TFCP2: variants seen among roughly 807,000 people sequenced by gnomAD.
TFCP2 encodes alpha-globin transcription factor CP2.
A neutral mutation model predicts 73.4 loss-of-function variants in TFCP2; 33 were observed. The observed-to-expected ratio is 0.45, with a 90% CI of 0.34 to 0.60. The LOEUF (loss-of-function observed/expected upper bound fraction) is 0.60, where lower values mean the gene tolerates loss of function less well. Ranked by LOEUF, TFCP2 falls within the 20% of genes least tolerant of loss-of-function variation. The pLI, the probability that TFCP2 is intolerant of heterozygous loss-of-function variation, is 0.01. For missense variants in TFCP2, 352 were observed against 604.0 expected (o/e 0.58, Z 4.37); for synonymous variants, 193 against 211.6 (o/e 0.91, Z 0.76).
intron 7 of TFCP2, 135 bp from the exon 8 acceptor site, chr12:51,106,748 C>T (rs1940255904): frequency 4.4e-6 from 3 of 675,774 alleles, no homozygotes; most frequent in South Asian, 1.7e-5. Flanking sequence ...CAATAGAGAA[C>T]ACTGCTTCTC....
chr12:51,103,100 T>C (rs957999013), intron 10 of TFCP2, among the ~76,000 whole-genome samples: 1 of 152,036 alleles, frequency 6.6e-6, no homozygotes, highest in South Asian at 2.1e-4. Flanking sequence ...CTGGCCAATA[T>C]GGTGAAACCC....
chr12:51,153,214 A>G (rs1458538177), intron 1 of TFCP2, among the ~76,000 whole-genome samples: 1 of 152,028 alleles, frequency 6.6e-6, no homozygotes, highest in African/African-American at 2.4e-5. Context: ...ATCTCTCTAA[A>G]ATTTTTAAAA....
At chr12:51,125,441 C>T in intron 1 of TFCP2, 1 of 390,716 alleles carries the variant, frequency 2.6e-6, no homozygotes. Flanking sequence ...ACACCTGCTT[C>T]CACTCTGACC....
chr12:51,117,965 A>C (rs1263506976), intron 2 of TFCP2, among the ~76,000 whole-genome samples: 2 of 152,178 alleles, frequency 1.3e-5, no homozygotes, highest in Non-Finnish European at 2.9e-5. Context: ...TATCAATCCC[A>C]TTTTACAGAC....
chr12:51,125,025 ACT>A (rs1267663872), intron 1 of TFCP2: 1 of 740,662 alleles, frequency 1.4e-6, no homozygotes, highest in Non-Finnish European at 2.5e-6. Flanking sequence ...GCGAGCCACC[ACT>A]GACTTGAGGA....
At chr12:51,131,227 AG>A in intron 1 of TFCP2, among the ~76,000 whole-genome samples, 1 of 147,788 alleles carries the variant, frequency 6.8e-6, no homozygotes, top group South Asian at 2.2e-4. Context: ...CCCAGCTACT[AG>A]GGAGACTGAG....
At chr12:51,146,798 A>T (rs920421510) in intron 1 of TFCP2, among the ~76,000 whole-genome samples, 2 of 152,192 alleles carry the variant, frequency 1.3e-5, no homozygotes, top group Non-Finnish European at 2.9e-5. Context: ...TGCTTTTAGC[A>T]TATTTATTTC....
chr12:51,140,445 C>CTTTTTTTTTTTTTTTTTT (rs768526922), intron 1 of TFCP2, among the ~76,000 whole-genome samples: 31 of 88,034 alleles, frequency 3.5e-4, no homozygotes, highest in Non-Finnish European at 4.6e-4. Context: ...TTTTCTTTTT[C>CTTTTTTTTTTTTTTTTTT]TTTTTTTTTT....
intron 1 of TFCP2, among the ~76,000 whole-genome samples, chr12:51,152,664 A>C (rs906030156): frequency 6.6e-6 from 1 of 152,208 alleles, no homozygotes; most frequent in Non-Finnish European, 1.5e-5. Flanking sequence ...TGAGAAAGAG[A>C]AGGATAAAGC....
intron 1 of TFCP2, among the ~76,000 whole-genome samples, chr12:51,157,284 AG>A (rs1381649733): frequency 5.9e-5 from 9 of 151,650 alleles, no homozygotes; most frequent in Non-Finnish European, 1.0e-4. Context: ...AGCCTCCCAA[AG>A]TGCTGGGATT....
chr12:51,125,104 GA>G (rs1229408756), intron 1 of TFCP2: 1 of 754,478 alleles, frequency 1.3e-6, no homozygotes, highest in South Asian at 1.4e-5. Flanking sequence ...AAGATGCGAG[GA>G]AGCTGGCTAG....
At chr12:51,168,111 C>T (rs1159591708) in intron 1 of TFCP2, among the ~76,000 whole-genome samples, 1 of 151,392 alleles carries the variant, frequency 6.6e-6, no homozygotes, top group Non-Finnish European at 1.5e-5. Context: ...AAATAAAAAT[C>T]AGGGCTGGGC....
At chr12:51,108,999 G>T in intron 6 of TFCP2, 122 bp downstream of exon 6, 1 of 1,103,664 alleles carries the variant, frequency 9.1e-7, no homozygotes, top group Non-Finnish European at 1.3e-6. Flanking sequence ...CTCTAGCTTA[G>T]ACTTTTTGCG....
chr12:51,126,280 G>C (rs1940817419), intron 1 of TFCP2, among the ~76,000 whole-genome samples: 2 of 150,486 alleles, frequency 1.3e-5, no homozygotes. Context: ...AATCATACCT[G>C]TTAAAAGGAT....
At chr12:51,160,893 T>C (rs1941633517) in intron 1 of TFCP2, among the ~76,000 whole-genome samples, 1 of 152,202 alleles carries the variant, frequency 6.6e-6, no homozygotes, top group Non-Finnish European at 1.5e-5. Context: ...TTGCTGGTGC[T>C]AGGGCAGGAA....
chr12:51,103,779 C>T lies in TFCP2; in HGVS notation c.967-16G>A, dbSNP rs780859545. 14 of 1,600,254 alleles carry T rather than the reference C, an allele frequency of 8.7e-6. 1 individual carries two copies. Among genetic ancestry groups the T allele is most frequent in the South Asian group, 2.2e-5 (2 of 89,920 alleles). ...GTAAGAGGTTCTGAAAGGGAGAGCA[C>T]GTTTTTTAGATAACCAAATAGATTT... On this transcript the variant is annotated splice_polypyrimidine_tract_variant and intron_variant, in intron 9 of 14. Coordinates refer to ENST00000257915, the MANE Select transcript of TFCP2 (RefSeq NM_005653.5).
chr12:51,122,253 CTTTTT>C (rs11347975), intron 1 of TFCP2, among the ~76,000 whole-genome samples: 3 of 73,182 alleles, frequency 4.1e-5, no homozygotes, highest in Admixed American at 3.5e-4. Context: ...TTTTTCTTTT[CTTTTT>C]TTTTTTTTTT....
At chr12:51,109,880 T>C (rs1940353975) in intron 5 of TFCP2, among the ~76,000 whole-genome samples, 1 of 151,932 alleles carries the variant, frequency 6.6e-6, no homozygotes, top group Non-Finnish European at 1.5e-5. Context: ...CACCACGCCC[T>C]GCTAATTTTT....
At chr12:51,102,439 T>A (rs866174168) in intron 10 of TFCP2, among the ~76,000 whole-genome samples, 4 of 151,604 alleles carry the variant, frequency 2.6e-5, no homozygotes, top group Non-Finnish European at 2.9e-5. Context: ...AAAAAAAAAA[T>A]CCTGGGCCAG....
Sources: allele counts gnomAD v4.1 joint callset (sites outside exome capture counted in the v4.1 genomes callset), GRCh38; gene constraint gnomAD v4.1.1; transcripts MANE v1.5; gene names NCBI Gene and HGNC (gene_info 2026-07-23, HGNC 2026-07-21).